Variants in RPS6KC1 observed in about 807,000 individuals in gnomAD.
RPS6KC1 encodes the protein ribosomal protein S6 kinase C1, also known as inactive ribosomal protein S6 kinase delta-1.
A neutral mutation model predicts 103.8 loss-of-function variants in RPS6KC1; 54 were observed. That is an observed-to-expected ratio of 0.52 (90% CI 0.42 to 0.65). The LOEUF (loss-of-function observed/expected upper bound fraction) is 0.65, where lower values mean the gene tolerates loss of function less well. Ranked by LOEUF, RPS6KC1 falls within the 30% of genes least tolerant of loss-of-function variation. RPS6KC1 has a pLI of 0.00. For synonymous variants in RPS6KC1, 439 were observed against 438.7 expected (o/e 1.00, Z -0.01); for missense variants, 1,151 against 1,253.8 (o/e 0.92, Z 1.24).
chr1:213,676,571 C>T, the RPS6KC1 span, among the ~76,000 whole-genome samples: 3 of 152,152 alleles, frequency 2.0e-5, no homozygotes, highest in Non-Finnish European at 4.4e-5. Context: ...CTATATACTC[C>T]CCGGCCCCAT....
chr1:213,690,607 C>G, the RPS6KC1 span, among the ~76,000 whole-genome samples: 1 of 152,130 alleles, frequency 6.6e-6, no homozygotes, highest in African/African-American at 2.4e-5. Flanking sequence ...TTGCTGTCTA[C>G]CTTGGTGTTT....
the RPS6KC1 span, among the ~76,000 whole-genome samples, chr1:213,653,628 A>G: frequency 6.6e-6 from 1 of 152,032 alleles, no homozygotes. Context: ...ACATAATTTC[A>G]TATTTGTTTG....
chr1:213,418,848 T>C, the RPS6KC1 span, among the ~76,000 whole-genome samples: 1 of 152,176 alleles, frequency 6.6e-6, no homozygotes, highest in East Asian at 1.9e-4. Context: ...ACAGCTTTAC[T>C]TCCAAGGCCA....
the RPS6KC1 span, among the ~76,000 whole-genome samples, chr1:213,386,135 T>C: frequency 1.3e-5 from 2 of 152,128 alleles, no homozygotes; most frequent in African/African-American, 4.8e-5. Context: ...AGTCATTCCC[T>C]GGAGAGCTGG....
rs189944614 is a variant in RPS6KC1, at chr1:213,139,324, T to A, written c.835+9435T>A. Among the ~76,000 whole-genome samples, 205 of 152,268 alleles carry A rather than the reference T, an allele frequency of 1.3e-3. 1 individual carries two copies. The highest frequency in any genetic ancestry group is 4.5e-3 in the African/African-American group (187 of 41,572). ...CTGTTTATTCTGTTGATAGTTTGTT[T>A]TGCTATGCAGAAACTCTTTAGTTTA... On this transcript the variant is annotated intron_variant, in intron 6 of 14. Coordinates refer to ENST00000366960, the MANE Select transcript of RPS6KC1 (RefSeq NM_012424.6).
At chr1:213,156,521 A>G (rs1324953806) in intron 6 of RPS6KC1, among the ~76,000 whole-genome samples, 2 of 152,232 alleles carry the variant, frequency 1.3e-5, no homozygotes, top group African/African-American at 4.8e-5. Flanking sequence ...CATGAATACT[A>G]CACCAAGGCA....
the RPS6KC1 span, among the ~76,000 whole-genome samples, chr1:213,773,217 A>G: frequency 1.1e-5 from 1 of 90,022 alleles, no homozygotes; most frequent in Non-Finnish European, 2.7e-5. Context: ...AACACCATTC[A>G]GTCTCTTTCA....
chr1:213,744,599 T>G, the RPS6KC1 span, among the ~76,000 whole-genome samples: 1 of 152,198 alleles, frequency 6.6e-6, no homozygotes, highest in Admixed American at 6.5e-5. Flanking sequence ...AAAATGGGGC[T>G]GGGGAAGAGG....
At chr1:213,152,763 G>A (rs2089349593) in intron 6 of RPS6KC1, among the ~76,000 whole-genome samples, 1 of 151,606 alleles carries the variant, frequency 6.6e-6, no homozygotes, top group Admixed American at 6.6e-5. Flanking sequence ...AGACTGGGCA[G>A]CCAGGCAGAG....
At chr1:213,313,288 A>C in the RPS6KC1 span, among the ~76,000 whole-genome samples, 2 of 152,036 alleles carry the variant, frequency 1.3e-5, no homozygotes, top group African/African-American at 4.8e-5. Context: ...AGAGGAGGCA[A>C]CTCTCAGAAG....
At chr1:213,673,405 A>C in the RPS6KC1 span, among the ~76,000 whole-genome samples, 1 of 152,204 alleles carries the variant, frequency 6.6e-6, no homozygotes, top group South Asian at 2.1e-4. Context: ...AAAGAGGTGA[A>C]TTTGTCAGCC....
the RPS6KC1 span, among the ~76,000 whole-genome samples, chr1:213,602,276 C>T: frequency 2.3e-5 from 2 of 87,758 alleles, no homozygotes; most frequent in Non-Finnish European, 2.2e-5. Context: ...TTTTTTTTTT[C>T]CAGAGTCTCG....
chr1:213,059,353 T>C (rs2077614880), intron 1 of RPS6KC1, among the ~76,000 whole-genome samples: 2 of 152,230 alleles, frequency 1.3e-5, no homozygotes, highest in African/African-American at 4.8e-5. Context: ...CTTGCTTTAT[T>C]ACACTGGCTA....
At chr1:213,785,880 G>T in the RPS6KC1 span, among the ~76,000 whole-genome samples, 2 of 152,162 alleles carry the variant, frequency 1.3e-5, no homozygotes, top group African/African-American at 4.8e-5. Flanking sequence ...GTGCCATACG[G>T]TAGGTGATGA....
chr1:213,624,646 C>A, the RPS6KC1 span, among the ~76,000 whole-genome samples: 1 of 152,188 alleles, frequency 6.6e-6, no homozygotes, highest in Non-Finnish European at 1.5e-5. Flanking sequence ...GCCTACAGCA[C>A]TGCCCATAGG....
At chr1:213,323,771 T>C in the RPS6KC1 span, among the ~76,000 whole-genome samples, 1 of 152,226 alleles carries the variant, frequency 6.6e-6, no homozygotes, top group Admixed American at 6.5e-5. Context: ...ATTTTTCATT[T>C]ACTCCGTGAC....
chr1:213,242,226 T>C lies in RPS6KC1; in HGVS notation c.2750T>C (p.Leu917Pro), dbSNP rs1268585658. ...TGGGCAGCTGAAATGGTGGTAGCCC[T>C]TGATGCTTTACATAGAGAGGGAATT... ...QRWAAEMVVA[L>P]DALHREGIVC... Residue 917 changes from leucine to proline, a missense_variant, in exon 11 of 15, where the codon CTT (leucine) becomes CCT (proline). By Grantham distance (98) the Leu-to-Pro change is moderately conservative. Around this residue, in one of 3 missense-constraint regions of RPS6KC1, gnomAD observed 189 missense variants for 228.8 expected, o/e 0.83. Coordinates refer to ENST00000366960, the MANE Select transcript of RPS6KC1 (RefSeq NM_012424.6). 6.2e-7 allele frequency: 1 copy of C among 1,613,998 alleles called. No individual in the cohort carries two copies. Among genetic ancestry groups the C allele is most frequent in the Non-Finnish European group, 8.5e-7 (1 of 1,179,906 alleles).
chr1:213,499,786 C>T, the RPS6KC1 span, among the ~76,000 whole-genome samples: 122 of 152,232 alleles, frequency 8.0e-4, 1 homozygote, highest in South Asian at 7.9e-3. Context: ...CAAACCTGTA[C>T]GGCATGTTAC....
At chr1:213,696,502 CAAAAAAAAAAAAA>C in the RPS6KC1 span, among the ~76,000 whole-genome samples, 10 of 120,934 alleles carry the variant, frequency 8.3e-5, no homozygotes, top group Non-Finnish European at 1.6e-4. Context: ...AACTCCGTCT[CAAAAAAAAAAAAA>C]AAAAAAAAAA....
Sources: gnomAD v4.1 joint callset for allele counts (sites outside exome capture counted in the v4.1 genomes callset) on GRCh38, gnomAD v4.1.1 for gene constraint, gnomAD v4.1.1 regional missense constraint, MANE v1.5 for transcripts, NCBI Gene and HGNC (gene_info 2026-07-23, HGNC 2026-07-21) for gene names.